The following ARL8A variants were observed in gnomAD, a reference collection of about 807,000 sequenced individuals.
ARL8A encodes the protein ADP-ribosylation factor-like protein 8A.
Under a neutral mutation model 31.2 loss-of-function variants are expected in ARL8A, and 10 were observed. The ratio of observed to expected loss-of-function variants is 0.32; its 90% confidence interval spans 0.20 to 0.54. The LOEUF (loss-of-function observed/expected upper bound fraction) is 0.54. ARL8A is among the 20% of genes least tolerant of loss of function. The pLI is 0.93. For synonymous variants in ARL8A, 70 were observed against 86.9 expected, an observed-to-expected ratio of 0.81 and a Z score of 1.08; for missense variants, 129 against 242.8, an observed-to-expected ratio of 0.53 and a Z score of 3.12.
chr1:202,142,737 C>CA (rs1655194056), intron 1 of ARL8A, among the ~76,000 whole-genome samples: 1 of 152,100 alleles, frequency 6.6e-6, no homozygotes, highest in South Asian at 2.1e-4. Context: ...CTATAGTCTC[C>CA]AACTCTCTGG....
Position 202,134,156 on chromosome 1 carries a change from A to T in ARL8A, c.*311T>A. The T allele has an allele frequency of 2.3e-6, 1 of 426,442 alleles. No individual in the cohort carries two copies. Among genetic ancestry groups the T allele is most frequent in the Non-Finnish European group, 4.3e-6 (1 of 230,804 alleles). The allele number at this position is 426,442 out of a possible 1,614,324, so 26.4% of individuals were successfully genotyped here. A position where few individuals can be genotyped will look rare whatever the true frequency, so the allele number is the denominator to read the frequency against. On this transcript the variant is annotated 3_prime_UTR_variant, in exon 7 of 7. Transcript: ENST00000272217. This position sits in a 1 kb window ranked among gnomAD's most constrained non-coding sequence, Gnocchi z 4.2. The stretch of plus-strand genomic sequence containing the variant: ...CAGAGAGTGTTGAAAAGGGAGGTAC[A>T]AGAGCGGGCCGGGGAAAAGCCAGGG...
At position 202,135,415 on chromosome 1, in the gene ARL8A, G is replaced by C. The variant is rs745710382; in HGVS notation, c.440+44C>G. ...GCCTAGGCTGTTGGTCTGGTGGTTG[G>C]GGAATTGGGAGAGCAGAAAGTAATA... is the stretch of plus-strand genomic sequence containing the variant. On this transcript the variant is annotated intron_variant, in intron 5 of 6. Transcript: ENST00000272217. This position sits in a 1 kb window ranked among gnomAD's most constrained non-coding sequence, Gnocchi z 5.3. 1.3e-5 allele frequency: 21 copies of C among 1,598,454 alleles called. No individual in the cohort carries two copies. In the South Asian group the frequency reaches 2.2e-4, roughly 17 times the overall value.
In ARL8A at chr1:202,144,681, G is replaced by C. The variant is rs1655257503; in HGVS notation, c.-109C>G. 2.9e-6 allele frequency: 3 copies of C among 1,043,786 alleles called. No individual in the cohort carries two copies. In the South Asian group the frequency reaches 1.3e-4, roughly 46 times the overall value. The allele number at this position is 1,043,786 out of a possible 1,614,324, so 64.7% of individuals were successfully genotyped here. ...CGGTACGGCCCGGGTCCCGCGGCTC[G>C]GTGCGGGCGGAGGCTCGAGCGCGGC... On this transcript the variant is annotated 5_prime_UTR_variant, in exon 1 of 7. Coordinates refer to ENST00000272217, the MANE Select transcript of ARL8A (RefSeq NM_138795.4). The surrounding 1 kb of genome is among the most constrained non-coding windows in gnomAD (Gnocchi z 5.2).
chr1:202,138,176 CCCGCTCTCCGT>C lies in ARL8A; in HGVS notation c.205-149_205-139del. ...CCTCTCCAGTTCTCCCCCGTCTCCA[CCCGCTCTCCGT>C]CTACCTTAGAAGTCTTCTACTGTCT... On this transcript the variant is annotated intron_variant, in intron 2 of 6. Transcript: ENST00000272217. This position sits in a 1 kb window ranked among gnomAD's most constrained non-coding sequence, Gnocchi z 4.4. 8.5e-7 allele frequency: 1 copy of C among 1,172,648 alleles called. No homozygotes were observed. Among genetic ancestry groups the C allele is most frequent in the African/African-American group, 1.5e-5 (1 of 65,908 alleles). The allele number at this position is 1,172,648 out of a possible 1,614,324, so 72.6% of individuals were successfully genotyped here. A position where few individuals can be genotyped will look rare whatever the true frequency, so the allele number is the denominator to read the frequency against.
Position 202,144,663 on chromosome 1 carries a change from GC to G in ARL8A, c.-92del. The G allele has an allele frequency of 1.8e-6, 2 of 1,082,400 alleles. No homozygotes were observed. Among genetic ancestry groups the G allele is most frequent in the Non-Finnish European group, 2.2e-6 (2 of 893,758 alleles). The allele number at this position is 1,082,400 out of a possible 1,614,324, so 67.0% of individuals were successfully genotyped here. A position where few individuals can be genotyped will look rare whatever the true frequency, so the allele number is the denominator to read the frequency against. ...CCCGGAGCGGCCCCTCCCCGGTACG[GC>G]CCGGGTCCCGCGGCTCGGTGCGGGC... On this transcript the variant is annotated 5_prime_UTR_variant, in exon 1 of 7. Coordinates refer to ENST00000272217, the MANE Select transcript of ARL8A (RefSeq NM_138795.4). The surrounding 1 kb of genome is among the most constrained non-coding windows in gnomAD (Gnocchi z 5.2).
rs1268301181 is a variant in ARL8A at position 202,138,347 on chromosome 1, C to A, written c.204+21G>T. ...CACACAAAAACAGTCCTCTGCACCC[C>A]CCAAGCTTCTGGGCCCTCACCTTGA... is the stretch of plus-strand genomic sequence containing the variant. On this transcript the variant is annotated intron_variant, in intron 2 of 6. Coordinates refer to ENST00000272217, the MANE Select transcript of ARL8A (RefSeq NM_138795.4). The surrounding 1 kb of genome is among the most constrained non-coding windows in gnomAD (Gnocchi z 4.4). The A allele has an allele frequency of 6.2e-7, 1 of 1,605,998 alleles. No homozygotes were observed.
Position 202,137,956 on chromosome 1 carries a change from T to C in ARL8A, c.278+9A>G, listed in dbSNP as rs371014795. 1.3e-5 allele frequency: 21 copies of C among 1,614,028 alleles called. No homozygotes were observed. Among genetic ancestry groups the C allele is most frequent in the Non-Finnish European group, 1.8e-5 (21 of 1,179,980 alleles). ...GGCTGGAGTCTGGCGATGCCTCCCG[T>C]GTACTTACACGATGGCGCTCACTCC... On this transcript the variant is annotated intron_variant, in intron 3 of 6. Coordinates refer to ENST00000272217, the MANE Select transcript of ARL8A (RefSeq NM_138795.4).
chr1:202,144,577 G>C lies in ARL8A; in HGVS notation c.-5C>G. The C allele has an allele frequency of 7.0e-7, 1 of 1,420,044 alleles. No individual in the cohort carries two copies. The highest frequency in any genetic ancestry group is 9.4e-7 in the Non-Finnish European group (1 of 1,065,260). The allele number at this position is 1,420,044 out of a possible 1,614,324, so 88.0% of individuals were successfully genotyped here. Reference sequence around the variant, plus strand: ...CTTGTTGAACAAAGCGATCATGGTCGCTGCCGCCGGCCCCGCCCGGTGCCA... The same window carrying C: ...CTTGTTGAACAAAGCGATCATGGTCCCTGCCGCCGGCCCCGCCCGGTGCCA... On this transcript the variant is annotated 5_prime_UTR_variant, in exon 1 of 7. Coordinates refer to ENST00000272217, the MANE Select transcript of ARL8A (RefSeq NM_138795.4). The surrounding 1 kb of genome is among the most constrained non-coding windows in gnomAD (Gnocchi z 5.2).
At chr1:202,139,505 G>A (rs1655108446) in intron 1 of ARL8A, among the ~76,000 whole-genome samples, 1 of 151,476 alleles carries the variant, frequency 6.6e-6, no homozygotes, top group African/African-American at 2.4e-5. Context: ...CCCAGGAGGT[G>A]GAGGTTGCAG....
In ARL8A at chr1:202,138,512, A is replaced by C; in HGVS notation, c.124-64T>G. The stretch of plus-strand genomic sequence containing the variant: ...CGATATGCCCCCACCGCAGACCAAG[A>C]GGCTGCGAGAACCATGCAGAGGCCA... On this transcript the variant is annotated intron_variant, in intron 1 of 6. Transcript: ENST00000272217. This position sits in a 1 kb window ranked among gnomAD's most constrained non-coding sequence, Gnocchi z 4.4. The C allele has an allele frequency of 6.7e-7, 1 of 1,489,948 alleles. No individual in the cohort carries two copies. Among genetic ancestry groups the C allele is most frequent in the Non-Finnish European group, 9.4e-7 (1 of 1,068,292 alleles). The allele number at this position is 1,489,948 out of a possible 1,614,324, so 92.3% of individuals were successfully genotyped here. A position where few individuals can be genotyped will look rare whatever the true frequency, so the allele number is the denominator to read the frequency against.
In ARL8A at chr1:202,135,911, C is replaced by T. The variant is rs1286904831; in HGVS notation, c.279-111G>A. On this transcript the variant is annotated intron_variant, in intron 3 of 6. Coordinates refer to ENST00000272217, the MANE Select transcript of ARL8A (RefSeq NM_138795.4). This position sits in a 1 kb window ranked among gnomAD's most constrained non-coding sequence, Gnocchi z 5.3. ...GTGAAAGCATCTGTTGCAGCTTGGT[C>T]ACCTCGGGATCCATGGGCTACCTGG... 9.9e-7 allele frequency: 1 copy of T among 1,015,204 alleles called. No individual in the cohort carries two copies. The highest frequency in any genetic ancestry group is 1.5e-6 in the Non-Finnish European group (1 of 658,776). 62.9% of individuals were successfully genotyped at this position (1,015,204 alleles called of 1,614,324 possible).
intron 1 of ARL8A, among the ~76,000 whole-genome samples, chr1:202,141,703 C>T (rs1370263807): frequency 6.6e-6 from 1 of 151,926 alleles, no homozygotes; most frequent in Non-Finnish European, 1.5e-5. Flanking sequence ...AGAATGTCCA[C>T]CCATTGTTCC....
chr1:202,137,967 G>T lies in ARL8A; in HGVS notation c.276C>A (p.Ile92=). The stretch of plus-strand genomic sequence containing the variant: ...GGCGATGCCTCCCGTGTACTTACAC[G>T]ATGGCGCTCACTCCTCGGCAGTAGC... The part of the protein sequence containing the change: ...WERYCRGVSA[I]VYMVDAADQE... The change falls in exon 3 of 7, where the codon ATC becomes ATA. Residue 92 remains isoleucine (I), a splice_region_variant and synonymous_variant. Transcript: ENST00000272217. 1 of 1,614,102 alleles carries T rather than the reference G, an allele frequency of 6.2e-7. No individual in the cohort carries two copies. Among genetic ancestry groups the T allele is most frequent in the Non-Finnish European group, 8.5e-7 (1 of 1,180,016 alleles).
rs762466601 is a variant in ARL8A, at chr1:202,138,328, A to ACACACACACAC, written c.204+39_204+40insGTGTGTGTGTG. 9 of 1,464,162 alleles carry ACACACACACAC rather than the reference A, an allele frequency of 6.1e-6. No homozygotes were observed. In the African/African-American group the frequency reaches 1.5e-4, roughly 25 times the overall value. The allele number at this position is 1,464,162 out of a possible 1,614,324, so 90.7% of individuals were successfully genotyped here. A position where few individuals can be genotyped will look rare whatever the true frequency, so the allele number is the denominator to read the frequency against. On this transcript the variant is annotated intron_variant, in intron 2 of 6. Transcript: ENST00000272217. The surrounding 1 kb of genome is among the most constrained non-coding windows in gnomAD (Gnocchi z 4.4). ...ACACACACACACACACACACACACA[A>ACACACACACAC]AAACAGTCCTCTGCACCCCCCAAGC...
chr1:202,134,394 A>C lies in ARL8A; in HGVS notation c.*73T>G. The stretch of plus-strand genomic sequence containing the variant: ...GGAGGGGTGGGCTTAGGGGGACGAC[A>C]GGGGTGGGCGGGGAGCTCGGCTTCA... On this transcript the variant is annotated 3_prime_UTR_variant, in exon 7 of 7. Transcript: ENST00000272217. The surrounding 1 kb of genome is among the most constrained non-coding windows in gnomAD (Gnocchi z 4.2). 7.5e-7 allele frequency: 1 copy of C among 1,329,088 alleles called. No homozygotes were observed. The highest frequency in any genetic ancestry group is 1.0e-6 in the Non-Finnish European group (1 of 972,566). The allele number at this position is 1,329,088 out of a possible 1,614,324, so 82.3% of individuals were successfully genotyped here.
At chr1:202,139,201 C>T (rs886102348) in intron 1 of ARL8A, among the ~76,000 whole-genome samples, 1 of 152,170 alleles carries the variant, frequency 6.6e-6, no homozygotes, top group African/African-American at 2.4e-5. Context: ...TCAAATAAGG[C>T]CAGACCCAAC....
At position 202,138,179 on chromosome 1, in the gene ARL8A, G is replaced by A. The variant is rs566918697; in HGVS notation, c.205-141C>T. 3.4e-5 allele frequency: 39 copies of A among 1,154,586 alleles called. No homozygotes were observed. The highest frequency in any genetic ancestry group is 2.6e-4 in the African/African-American group (17 of 65,370). The allele number at this position is 1,154,586 out of a possible 1,614,324, so 71.5% of individuals were successfully genotyped here. A position where few individuals can be genotyped will look rare whatever the true frequency, so the allele number is the denominator to read the frequency against. Reference sequence around the variant, plus strand: ...CTCCAGTTCTCCCCCGTCTCCACCCGCTCTCCGTCTACCTTAGAAGTCTTC... The same window carrying A: ...CTCCAGTTCTCCCCCGTCTCCACCCACTCTCCGTCTACCTTAGAAGTCTTC... On this transcript the variant is annotated intron_variant, in intron 2 of 6. Coordinates refer to ENST00000272217, the MANE Select transcript of ARL8A (RefSeq NM_138795.4). The surrounding 1 kb of genome is among the most constrained non-coding windows in gnomAD (Gnocchi z 4.4).
In ARL8A at chr1:202,144,695, C is replaced by A. The variant is rs1440133216; in HGVS notation, c.-123G>T. 1 of 1,012,782 alleles carries A rather than the reference C, an allele frequency of 9.9e-7. No homozygotes were observed. Among genetic ancestry groups the A allele is most frequent in the Non-Finnish European group, 1.2e-6 (1 of 839,066 alleles). 62.7% of individuals were successfully genotyped at this position (1,012,782 alleles called of 1,614,324 possible). On this transcript the variant is annotated 5_prime_UTR_variant, in exon 1 of 7. Transcript: ENST00000272217. The surrounding 1 kb of genome is among the most constrained non-coding windows in gnomAD (Gnocchi z 5.2). ...TCCCGCGGCTCGGTGCGGGCGGAGG[C>A]TCGAGCGCGGCTGCCGACGACTCGC...
chr1:202,144,326 C>G lies in ARL8A; in HGVS notation c.123+124G>C, dbSNP rs1194915148. ...GCGCTCGGGGCCGGCTCCTCCCCCGCCCGGCGCCCGGCCGTGCCCGGCTAT... is the reference window on the plus strand; with the variant it reads ...GCGCTCGGGGCCGGCTCCTCCCCCGGCCGGCGCCCGGCCGTGCCCGGCTAT... On this transcript the variant is annotated intron_variant, in intron 1 of 6. Coordinates refer to ENST00000272217, the MANE Select transcript of ARL8A (RefSeq NM_138795.4). The surrounding 1 kb of genome is among the most constrained non-coding windows in gnomAD (Gnocchi z 5.2). 27 of 675,646 alleles carry G rather than the reference C, an allele frequency of 4.0e-5. No individual in the cohort carries two copies. The highest frequency in any genetic ancestry group is 4.9e-5 in the Non-Finnish European group (27 of 546,086). 41.9% of individuals were successfully genotyped at this position (675,646 alleles called of 1,614,324 possible). A position where few individuals can be genotyped will look rare whatever the true frequency, so the allele number is the denominator to read the frequency against.
Sources: gnomAD v4.1 joint callset for allele counts (sites outside exome capture counted in the v4.1 genomes callset) on GRCh38, gnomAD v4.1.1 for gene constraint, Gnocchi (gnomAD v3.1) non-coding constraint, MANE v1.5 for transcripts, NCBI Gene and HGNC (gene_info 2026-07-23, HGNC 2026-07-21) for gene names.